Variants in CA10 observed in about 807,000 individuals in gnomAD.
CA10 encodes the protein carbonic anhydrase-related protein 10.
CA10 carries 14 observed loss-of-function variants against 44.2 expected under a neutral mutation model. The ratio of observed to expected loss-of-function variants is 0.32; its 90% CI spans 0.21 to 0.50. The LOEUF is 0.50. Ranked by LOEUF, CA10 falls within the 20% of genes least tolerant of loss-of-function variation. The pLI is 0.99. For missense variants in CA10, 350 were observed against 409.7 expected (o/e 0.85, Z 1.26); for synonymous variants, 159 against 141.6 (o/e 1.12, Z -0.87).
At position 52,033,091 on chromosome 17, in the gene CA10, A is replaced by G. The variant is rs139720142; in HGVS notation, c.136+39228T>C. 8.5e-3 allele frequency among the ~76,000 whole-genome samples: 1,296 copies of G among 152,318 alleles called. 16 individuals are homozygous for G. Among genetic ancestry groups the G allele is most frequent in the African/African-American group, 0.027 (1,131 of 41,564 alleles). ...AGGAAGGTGGGCCACCAGAGGTTTC[A>G]GAGAAATTTTTGCGTTGGGTCATGA... On this transcript the variant is annotated intron_variant, in intron 2 of 8. Transcript: ENST00000451037.
intron 2 of CA10, among the ~76,000 whole-genome samples, chr17:52,041,107 A>G (rs1376487714): frequency 6.6e-6 from 1 of 152,106 alleles, no homozygotes; most frequent in Non-Finnish European, 1.5e-5. Context: ...AAAGCTTCCA[A>G]GCCTACAAGA....
chr17:51,636,619 T>C (rs1912838300), intron 6 of CA10, among the ~76,000 whole-genome samples: 1 of 152,176 alleles, frequency 6.6e-6, no homozygotes, highest in African/African-American at 2.4e-5. Context: ...ATTACAGGTA[T>C]CATGAGATGG....
At chr17:51,647,655 T>C (rs1913394414) in intron 6 of CA10, among the ~76,000 whole-genome samples, 1 of 152,208 alleles carries the variant, frequency 6.6e-6, no homozygotes, top group Non-Finnish European at 1.5e-5. Flanking sequence ...ATTTCATGCA[T>C]TTTCACGGTC....
chr17:51,992,809 C>T (rs552993230), intron 2 of CA10, among the ~76,000 whole-genome samples: 3 of 152,088 alleles, frequency 2.0e-5, no homozygotes, highest in Non-Finnish European at 4.4e-5. Context: ...TAGATGAGCA[C>T]TCAGTCTTCT....
intron 3 of CA10, among the ~76,000 whole-genome samples, chr17:51,837,913 C>T (rs1978292504): frequency 6.6e-6 from 1 of 152,158 alleles, no homozygotes; most frequent in South Asian, 2.1e-4. Flanking sequence ...TGGTCAAGGG[C>T]AAATTTGGAT....
chr17:51,959,450 C>T (rs968009289), intron 2 of CA10, among the ~76,000 whole-genome samples: 7 of 151,580 alleles, frequency 4.6e-5, no homozygotes, highest in African/African-American at 7.3e-5. Flanking sequence ...TGACAGAAGA[C>T]CAGAGAAATA....
rs1279375771 is a variant in CA10, at chr17:51,827,379, CAATT to C, written c.280-79565_280-79562del. 6.6e-5 allele frequency among the ~76,000 whole-genome samples: 10 copies of C among 151,676 alleles called. 1 individual carries two copies. In the South Asian group the frequency reaches 1.5e-3, roughly 22 times the overall value. ...ATACACACACACATACACACACACA[CAATT>C]AAACTGTAAGAAGCCTATTATAAAA... is the stretch of plus-strand genomic sequence containing the variant. On this transcript the variant is annotated intron_variant, in intron 3 of 8. Coordinates refer to ENST00000451037, the MANE Select transcript of CA10 (RefSeq NM_020178.5).
chr17:52,119,346 TGACTGGAAG>T (rs1988963772), intron 1 of CA10, among the ~76,000 whole-genome samples: 1 of 152,196 alleles, frequency 6.6e-6, no homozygotes, highest in South Asian at 2.1e-4. Context: ...ACCAAAGCTT[TGACTGGAAG>T]GGTATGCATC....
intron 3 of CA10, among the ~76,000 whole-genome samples, chr17:51,809,373 C>T (rs1186014999): frequency 6.6e-6 from 1 of 152,078 alleles, no homozygotes; most frequent in East Asian, 1.9e-4. Context: ...GTCATTTATA[C>T]CAAAATTATT....
At chr17:51,721,756 C>T (rs1425584124) in intron 4 of CA10, among the ~76,000 whole-genome samples, 1 of 152,062 alleles carries the variant, frequency 6.6e-6, no homozygotes, top group Non-Finnish European at 1.5e-5. Context: ...GATTGGTGAA[C>T]ATATTGAGGT....
At chr17:51,942,809 T>C (rs1983134483) in intron 2 of CA10, among the ~76,000 whole-genome samples, 1 of 152,080 alleles carries the variant, frequency 6.6e-6, no homozygotes, top group Admixed American at 6.6e-5. Context: ...AAGGATGATG[T>C]TACTCTAGAC....
intron 3 of CA10, among the ~76,000 whole-genome samples, chr17:51,860,317 A>G (rs1979246373): frequency 6.6e-6 from 1 of 152,208 alleles, no homozygotes; most frequent in African/African-American, 2.4e-5. Context: ...TGAGATCTGC[A>G]ATTCTCTTTG....
intron 2 of CA10, among the ~76,000 whole-genome samples, chr17:52,057,990 T>C (rs1011481404): frequency 6.6e-6 from 1 of 152,104 alleles, no homozygotes; most frequent in African/African-American, 2.4e-5. Flanking sequence ...AGGAAAGCCA[T>C]GAACCTCTGA....
intron 1 of CA10, among the ~76,000 whole-genome samples, chr17:52,144,252 T>C (rs1226918706): frequency 2.6e-5 from 4 of 152,190 alleles, no homozygotes; most frequent in Non-Finnish European, 5.9e-5. Flanking sequence ...GGGTAAATAG[T>C]GTATCTTTTA....
chr17:51,976,601 CA>C (rs34321149), intron 2 of CA10, among the ~76,000 whole-genome samples: 54,211 of 151,610 alleles, frequency 0.36, 11,891 homozygotes, highest in East Asian at 0.74. Flanking sequence ...GCAGTTAAAG[CA>C]GTTCGTCTGG....
chr17:51,707,826 T>G (rs2143480744), intron 4 of CA10, among the ~76,000 whole-genome samples: 1 of 152,246 alleles, frequency 6.6e-6, no homozygotes, highest in East Asian at 1.9e-4. Flanking sequence ...ATAGAAAAAC[T>G]GGAGGCAGCT....
chr17:51,803,469 A>G (rs1372966449), intron 3 of CA10, among the ~76,000 whole-genome samples: 2 of 152,174 alleles, frequency 1.3e-5, no homozygotes, highest in East Asian at 3.8e-4. Flanking sequence ...TCTCTCTCCT[A>G]GACTTGCAAT....
chr17:51,715,332 A>G (rs936607662), intron 4 of CA10, among the ~76,000 whole-genome samples: 1 of 152,142 alleles, frequency 6.6e-6, no homozygotes, highest in Non-Finnish European at 1.5e-5. Flanking sequence ...AAACCTGCAC[A>G]TGTACCCTAA....
At chr17:51,711,405 A>C (rs1317329223) in intron 4 of CA10, among the ~76,000 whole-genome samples, 3 of 152,230 alleles carry the variant, frequency 2.0e-5, no homozygotes, top group African/African-American at 7.2e-5. Flanking sequence ...GCAAAGACAG[A>C]TCTTTCCTGC....
Sources: allele counts gnomAD v4.1 joint callset (sites outside exome capture counted in the v4.1 genomes callset), GRCh38; gene constraint gnomAD v4.1.1; transcripts MANE v1.5; gene names NCBI Gene and HGNC (gene_info 2026-07-23, HGNC 2026-07-21).